The following FER1L6 variants were observed in gnomAD, a reference collection of about 807,000 sequenced individuals.
FER1L6 encodes the protein fer-1-like protein 6.
Under a neutral mutation model 219.2 loss-of-function variants are expected in FER1L6, and 177 were observed. The ratio of observed to expected loss-of-function variants is 0.81; its 90% CI spans 0.71 to 0.91. The LOEUF is 0.91. Ranked by LOEUF, FER1L6 falls within the 40% of genes least tolerant of loss-of-function variation. The pLI, the probability that FER1L6 is intolerant of heterozygous loss-of-function variation, is 0.00. For synonymous variants in FER1L6, 768 were observed against 824.3 expected, an observed-to-expected ratio of 0.93 and a Z score of 1.17; for missense variants, 2,153 against 2,259.9, an observed-to-expected ratio of 0.95 and a Z score of 0.96.
intron 1 of FER1L6, among the ~76,000 whole-genome samples, chr8:123,905,238 C>A (rs1261049332): frequency 6.6e-6 from 1 of 152,132 alleles, no homozygotes; most frequent in Admixed American, 6.5e-5. Flanking sequence ...CTCTCCCTCC[C>A]CCCAACACCC....
intron 40 of FER1L6, 62 bp from the exon 41 acceptor site, chr8:124,119,545 C>CTTAA (rs1440565827): frequency 8.9e-7 from 1 of 1,125,220 alleles, no homozygotes; most frequent in Non-Finnish European, 1.3e-6. Flanking sequence ...TTCCTGGGGT[C>CTTAA]TTAAGCATTC....
chr8:123,855,816 C>G (rs1816628162), intron 1 of FER1L6, among the ~76,000 whole-genome samples: 1 of 143,438 alleles, frequency 7.0e-6, no homozygotes, highest in Non-Finnish European at 1.5e-5. Context: ...GTATATATAT[C>G]AGCACAGTAG....
In FER1L6 at chr8:123,852,513, T is replaced by TGTGTGTGTGTG. The variant is rs55750983; in HGVS notation, c.-8+328_-8+329insGTGTGTGTGTG. Among the ~76,000 whole-genome samples the TGTGTGTGTGTG allele has an allele frequency of 7.6e-6, 1 of 132,168 alleles. No homozygotes were observed. The highest frequency in any genetic ancestry group is 2.9e-5 in the African/African-American group (1 of 34,322). The allele number at this position is 132,168 out of a possible 152,430, so 86.7% of individuals were successfully genotyped here. On this transcript the variant is annotated intron_variant, in intron 1 of 40. Transcript: ENST00000522917. The surrounding 1 kb of genome is among the most constrained non-coding windows in gnomAD (Gnocchi z 4.9). ...GTGTGTGTGTGTGTGTGTGTGTGTG[T>TGTGTGTGTGTG]TTGACAGAGACAGAGGGAGGAGAAA...
intron 22 of FER1L6, among the ~76,000 whole-genome samples, 156 bp downstream of exon 22, chr8:124,049,912 A>G (rs1287867385): frequency 6.6e-6 from 1 of 152,104 alleles, no homozygotes; most frequent in Non-Finnish European, 1.5e-5. Context: ...GCGCTTAAGA[A>G]CTCAGGTGAC....
At chr8:123,983,422 C>T (rs995368298) in intron 11 of FER1L6, among the ~76,000 whole-genome samples, 1 of 152,012 alleles carries the variant, frequency 6.6e-6, no homozygotes. Context: ...ATGTCATCCT[C>T]GATATTGGTA....
chr8:124,063,566 A>T (rs1028347952), intron 25 of FER1L6, among the ~76,000 whole-genome samples: 1 of 152,184 alleles, frequency 6.6e-6, no homozygotes, highest in African/African-American at 2.4e-5. Context: ...TTGTACTGCC[A>T]TCTTTCTCAT....
chr8:123,891,037 C>A (rs28719046), intron 1 of FER1L6, among the ~76,000 whole-genome samples: 22,100 of 151,894 alleles, frequency 0.15, 1,662 homozygotes, highest in Middle Eastern at 0.21. Context: ...ATTAGAATTT[C>A]TCTCAAACTA....
intron 18 of FER1L6, among the ~76,000 whole-genome samples, chr8:124,031,590 A>G (rs539662176): frequency 3.8e-4 from 58 of 152,186 alleles, no homozygotes; most frequent in Admixed American, 3.3e-4. Flanking sequence ...AGTTAGAGTC[A>G]TATTTTTAGG....
intron 1 of FER1L6, among the ~76,000 whole-genome samples, chr8:123,905,580 G>A (rs1812937393): frequency 6.6e-6 from 1 of 152,220 alleles, no homozygotes; most frequent in Non-Finnish European, 1.5e-5. Context: ...AATGCTGCTA[G>A]TGTGGTTAAA....
chr8:124,070,153 T>G (rs890943614), intron 29 of FER1L6, among the ~76,000 whole-genome samples: 2 of 152,240 alleles, frequency 1.3e-5, no homozygotes, highest in Non-Finnish European at 2.9e-5. Context: ...CAAAGTATTA[T>G]AGTCTATATC....
At chr8:124,091,299 G>T in intron 33 of FER1L6, 124 bp from the exon 34 acceptor site, 1 of 696,248 alleles carries the variant, frequency 1.4e-6, no homozygotes, top group Non-Finnish European at 2.2e-6. Flanking sequence ...AGAAAAGAGA[G>T]AAAACAAACC....
chr8:123,914,132 A>G (rs553956394), intron 1 of FER1L6, among the ~76,000 whole-genome samples: 1 of 152,254 alleles, frequency 6.6e-6, no homozygotes, highest in Admixed American at 6.5e-5. Flanking sequence ...GCCACATTTC[A>G]AATGTTCAGT....
At chr8:123,981,941 G>A (rs192815558) in intron 11 of FER1L6, among the ~76,000 whole-genome samples, 4 of 152,226 alleles carry the variant, frequency 2.6e-5, no homozygotes, top group South Asian at 2.1e-4. Context: ...CGTCAGTGTC[G>A]CTATGGTTTT....
chr8:123,868,757 G>T (rs987935868), intron 1 of FER1L6, among the ~76,000 whole-genome samples: 1 of 152,104 alleles, frequency 6.6e-6, no homozygotes, highest in Non-Finnish European at 1.5e-5. Flanking sequence ...TTAACTTCAG[G>T]ACATCAAGGT....
chr8:124,050,412 T>C (rs1422040140), intron 22 of FER1L6, among the ~76,000 whole-genome samples: 1 of 152,128 alleles, frequency 6.6e-6, no homozygotes, highest in Non-Finnish European at 1.5e-5. Flanking sequence ...GAAGAGAAGC[T>C]GAGTCCCTGC....
chr8:123,980,730 T>C lies in FER1L6; in HGVS notation c.1329T>C (p.Thr443=). 1 of 1,614,106 alleles carries C rather than the reference T, an allele frequency of 6.2e-7. No homozygotes were observed. The highest frequency in any genetic ancestry group is 1.1e-5 in the South Asian group (1 of 91,078). Residue 443 remains threonine (T), a synonymous_variant, in exon 11 of 41, where the codon ACT becomes ACC. Coordinates refer to ENST00000522917, the MANE Select transcript of FER1L6 (RefSeq NM_001039112.2). ...AAGGTAAAGACAAGGCTGACAAAAC[T>C]GAAGATGGAAAATCCCAACAGGCTT... ...SSKGKDKADK[T]EDGKSQQASN...
chr8:124,003,451 CTTTTTTTTT>C lies in FER1L6; in HGVS notation c.1700+126_1700+134del, dbSNP rs71289633. 2.0e-3 allele frequency: 221 copies of C among 111,762 alleles called. 1 individual carries two copies. The East Asian group carries it at 0.023, about 12-fold the overall frequency. The allele number at this position is 111,762 out of a possible 1,614,324, so 6.9% of individuals were successfully genotyped here. On this transcript the variant is annotated intron_variant, in intron 13 of 40. Coordinates refer to ENST00000522917, the MANE Select transcript of FER1L6 (RefSeq NM_001039112.2). ...GTTCTTCACTAAAATCAGAAATGTC[CTTTTTTTTT>C]TTTTTTTTTTTTTTTTTTTTTGAGA... is the stretch of plus-strand genomic sequence containing the variant.
Position 124,017,737 on chromosome 8 carries a change from A to C in FER1L6, c.2013+19A>C. 6.3e-7 allele frequency: 1 copy of C among 1,597,030 alleles called. No homozygotes were observed. Among genetic ancestry groups the C allele is most frequent in the Non-Finnish European group, 8.6e-7 (1 of 1,165,406 alleles). On this transcript the variant is annotated intron_variant, in intron 16 of 40. Transcript: ENST00000522917. ...GGAGCTGGTATGTGAAAATCTATTT[A>C]TACTTTGTGGACAGAGTTAAAAATA...
At chr8:123,953,352 G>T (rs189395879) in intron 1 of FER1L6, among the ~76,000 whole-genome samples, 1 of 152,124 alleles carries the variant, frequency 6.6e-6, no homozygotes, top group Non-Finnish European at 1.5e-5. Flanking sequence ...CCTGAGCTGC[G>T]CCTAGACCAC....
Sources: allele counts gnomAD v4.1 joint callset (sites outside exome capture counted in the v4.1 genomes callset), GRCh38; gene constraint gnomAD v4.1.1; non-coding constraint Gnocchi (gnomAD v3.1); transcripts MANE v1.5; gene names NCBI Gene and HGNC (gene_info 2026-07-23, HGNC 2026-07-21).